The following LY6G6D variants were observed in gnomAD, a reference collection of about 807,000 sequenced individuals.
LY6G6D encodes lymphocyte antigen 6 complex locus protein G6d.
A neutral mutation model predicts 8.5 loss-of-function variants in LY6G6D; 5 were observed. That is an observed-to-expected ratio of 0.59 (90% CI 0.31 to 1.24). The LOEUF is 1.24. Ranked by LOEUF, LY6G6D falls within the 50% of genes most tolerant of loss-of-function variation. The pLI is 0.07. For missense variants in LY6G6D, 154 were observed against 170.4 expected (o/e 0.90, Z 0.53); for synonymous variants, 65 against 69.6 (o/e 0.93, Z 0.33).
In LY6G6D at chr6:31,716,412, G is replaced by A. The variant is rs541931090; in HGVS notation, c.178+788G>A. 6.6e-6 allele frequency among the ~76,000 whole-genome samples: 1 copy of A among 151,978 alleles called. No individual in the cohort carries two copies. Among genetic ancestry groups the A allele is most frequent in the Non-Finnish European group, 1.5e-5 (1 of 67,968 alleles). ...GAGACCAGCCTGGGCAACATAGGGA[G>A]ACCCTGTCTCTACAAAAAACAAACA... On this transcript the variant is annotated intron_variant, in intron 2 of 2. Coordinates refer to ENST00000375825, the MANE Select transcript of LY6G6D (RefSeq NM_021246.4). The surrounding 1 kb of genome is among the most constrained non-coding windows in gnomAD (Gnocchi z 5.1).
Position 31,715,355 on chromosome 6 carries a change from G to A in LY6G6D, c.-1G>A, listed in dbSNP as rs370821773. ...GGCGGTCCTGACACGGGCAGACTGC[G>A]ATGAAACCCCAGTTTGTTGGGATCT... On this transcript the variant is annotated 5_prime_UTR_variant, in exon 1 of 3. Coordinates refer to ENST00000375825, the MANE Select transcript of LY6G6D (RefSeq NM_021246.4). 37 of 1,597,452 alleles carry A rather than the reference G, an allele frequency of 2.3e-5. No individual in the cohort carries two copies. Among genetic ancestry groups the A allele is most frequent in the South Asian group, 1.0e-4 (9 of 88,980 alleles).
chr6:31,717,296 T>A lies in LY6G6D; in HGVS notation c.179-285T>A, dbSNP rs1328315241. Among the ~76,000 whole-genome samples, 1 of 152,142 alleles carries A rather than the reference T, an allele frequency of 6.6e-6. No homozygotes were observed. Among genetic ancestry groups the A allele is most frequent in the Non-Finnish European group, 1.5e-5 (1 of 68,016 alleles). ...GATACTTGAAATACTAAAAATTATT[T>A]TATAGAATGTCCCTCGATATTTATT... On this transcript the variant is annotated intron_variant, in intron 2 of 2. Transcript: ENST00000375825. This position sits in a 1 kb window ranked among gnomAD's most constrained non-coding sequence, Gnocchi z 5.0.
rs1180029298 is a variant in LY6G6D at position 31,716,487 on chromosome 6, C to T, written c.178+863C>T. Among the ~76,000 whole-genome samples, 2 of 152,078 alleles carry T rather than the reference C, an allele frequency of 1.3e-5. No homozygotes were observed. The highest frequency in any genetic ancestry group is 2.9e-5 in the Non-Finnish European group (2 of 68,010). On this transcript the variant is annotated intron_variant, in intron 2 of 2. Transcript: ENST00000375825. This position sits in a 1 kb window ranked among gnomAD's most constrained non-coding sequence, Gnocchi z 5.1. ...AATTAGTTGGGTGTGGTGGCACATG[C>T]TTGTAGTCCTAGCTACTCAGGGGGC...
rs749456306 is a variant in LY6G6D at position 31,715,563 on chromosome 6, G to T, written c.117G>T (p.Val39=). The change falls in exon 2 of 3, where the codon GTG becomes GTT. Residue 39 remains valine, a synonymous_variant. Transcript: ENST00000375825. ...GSPSSSCKEA[V]TTCGEGRPQP... is the part of the protein sequence containing the mutation. ...CCAGCAGTTCTTGCAAAGAGGCCGT[G>T]ACCACCTGTGGCGAGGGCAGACCCC... The T allele has an allele frequency of 3.7e-6, 6 of 1,613,080 alleles. No individual in the cohort carries two copies. The highest frequency in any genetic ancestry group is 5.1e-6 in the Non-Finnish European group (6 of 1,180,022).
chr6:31,717,107 G>A lies in LY6G6D; in HGVS notation c.179-474G>A, dbSNP rs936830584. Among the ~76,000 whole-genome samples, 3 of 151,866 alleles carry A rather than the reference G, an allele frequency of 2.0e-5. No homozygotes were observed. Among genetic ancestry groups the A allele is most frequent in the Non-Finnish European group, 2.9e-5 (2 of 67,976 alleles). On this transcript the variant is annotated intron_variant, in intron 2 of 2. Coordinates refer to ENST00000375825, the MANE Select transcript of LY6G6D (RefSeq NM_021246.4). This position sits in a 1 kb window ranked among gnomAD's most constrained non-coding sequence, Gnocchi z 5.0. ...CTCTACTAAAAATACAAAATTAGCC[G>A]GGTGTAGTGGTGCCCGCCTGTAATA...
chr6:31,717,249 CA>C lies in LY6G6D; in HGVS notation c.179-316del, dbSNP rs58686476. ...GGGCAATAAGAGTGAAACTCCGTCT[CA>C]AAAAAAAAAAAAAAATTACAGATAC... On this transcript the variant is annotated intron_variant, in intron 2 of 2. Coordinates refer to ENST00000375825, the MANE Select transcript of LY6G6D (RefSeq NM_021246.4). This position sits in a 1 kb window ranked among gnomAD's most constrained non-coding sequence, Gnocchi z 5.0. Among the ~76,000 whole-genome samples the C allele has an allele frequency of 0.092, 8,469 of 92,176 alleles. 317 individuals are homozygous for C. The highest frequency in any genetic ancestry group is 0.24 in the Middle Eastern group (38 of 156). 60.5% of individuals were successfully genotyped at this position (92,176 alleles called of 152,430 possible). A position where few individuals can be genotyped will look rare whatever the true frequency, so the allele number is the denominator to read the frequency against.
chr6:31,715,452 C>T, intron 1 of LY6G6D, 42 bp downstream of exon 1: 1 of 1,605,906 alleles, frequency 6.2e-7, no homozygotes. Flanking sequence ...GGCCTTCTGC[C>T]AGCCGGCTCC....
Position 31,717,813 on chromosome 6 carries a change from G to C in LY6G6D, c.*9G>C, listed in dbSNP as rs750529522. 6.9e-6 allele frequency: 11 copies of C among 1,605,030 alleles called. No homozygotes were observed. Among genetic ancestry groups the C allele is most frequent in the African/African-American group, 5.3e-5 (4 of 74,818 alleles). On this transcript the variant is annotated 3_prime_UTR_variant, in exon 3 of 3. Transcript: ENST00000375825. The surrounding 1 kb of genome is among the most constrained non-coding windows in gnomAD (Gnocchi z 5.0). ...GACTGTGGAGCGGATAGGGGGAGTA[G>C]GAGTAGAGAAGGGAACAAGGGAGCA... is the stretch of plus-strand genomic sequence containing the variant.
Position 31,717,493 on chromosome 6 carries a change from T to C in LY6G6D, c.179-88T>C. The C allele has an allele frequency of 6.2e-7, 1 of 1,613,712 alleles. No homozygotes were observed. Among genetic ancestry groups the C allele is most frequent in the Non-Finnish European group, 8.5e-7 (1 of 1,179,820 alleles). On this transcript the variant is annotated intron_variant, in intron 2 of 2. Transcript: ENST00000375825. The surrounding 1 kb of genome is among the most constrained non-coding windows in gnomAD (Gnocchi z 5.0). Reference sequence around the variant, plus strand: ...TTTTTGAGGGGGCTGAAAATCCCTTTGGGCTCCTTGAAATCACATCTGCTC... The same window carrying C: ...TTTTTGAGGGGGCTGAAAATCCCTTCGGGCTCCTTGAAATCACATCTGCTC...
At chr6:31,715,692 G>A in intron 2 of LY6G6D, 68 bp downstream of exon 2, 2 of 1,584,498 alleles carry the variant, frequency 1.3e-6, no homozygotes, top group African/African-American at 1.3e-5. Flanking sequence ...AATCCTTCTG[G>A]CTTCCAGAAC....
At position 31,716,890 on chromosome 6, in the gene LY6G6D, A is replaced by G. The variant is rs978310281; in HGVS notation, c.179-691A>G. Among the ~76,000 whole-genome samples, 3 of 152,122 alleles carry G rather than the reference A, an allele frequency of 2.0e-5. No individual in the cohort carries two copies. Among genetic ancestry groups the G allele is most frequent in the African/African-American group, 7.2e-5 (3 of 41,410 alleles). On this transcript the variant is annotated intron_variant, in intron 2 of 2. Coordinates refer to ENST00000375825, the MANE Select transcript of LY6G6D (RefSeq NM_021246.4). The surrounding 1 kb of genome is among the most constrained non-coding windows in gnomAD (Gnocchi z 5.1). Reference sequence around the variant, plus strand: ...TATAGGGAGGTATGATTGCACCACCACACTCCAGCCTGAGTGAGAGAGCAA... The same window carrying G: ...TATAGGGAGGTATGATTGCACCACCGCACTCCAGCCTGAGTGAGAGAGCAA...
Position 31,715,396 on chromosome 6 carries a change from T to G in LY6G6D, c.41T>G (p.Leu14Arg). The part of the protein sequence containing the change: ...QFVGILLSSL[L>R]GAALGNRMRC... The stretch of plus-strand genomic sequence containing the variant: ...GTTGGGATCTTGCTCAGCTCCCTGC[T>G]AGGGGCTGCCTTGGGTAAGGAGGCG... Residue 14 changes from leucine (L) to arginine (R), a missense_variant, in exon 1 of 3, where the codon CTA becomes CGA. Transcript: ENST00000375825. 1 of 1,606,002 alleles carries G rather than the reference T, an allele frequency of 6.2e-7. No individual in the cohort carries two copies. Among genetic ancestry groups the G allele is most frequent in the Non-Finnish European group, 8.5e-7 (1 of 1,175,266 alleles).
chr6:31,715,748 G>A (rs1806384157), intron 2 of LY6G6D, 124 bp downstream of exon 2: 1 of 1,433,142 alleles, frequency 7.0e-7, no homozygotes, highest in Middle Eastern at 2.0e-4. Flanking sequence ...AGCTGTTAGA[G>A]GAGAGCAGTC....
At position 31,715,852 on chromosome 6, in the gene LY6G6D, C is replaced by CAT. The variant is rs546563562; in HGVS notation, c.178+230_178+231dup. ...CCTCCTTATTCTCCTAAAAGAATCT[C>CAT]ATAGGCCCATTAGCTCACAAATGAA... On this transcript the variant is annotated intron_variant, in intron 2 of 2. Coordinates refer to ENST00000375825, the MANE Select transcript of LY6G6D (RefSeq NM_021246.4). 1.2e-4 allele frequency among the ~76,000 whole-genome samples: 19 copies of CAT among 152,250 alleles called. No individual in the cohort carries two copies. In the East Asian group the frequency reaches 1.9e-3, roughly 15 times the overall value.
chr6:31,716,736 CA>C lies in LY6G6D; in HGVS notation c.179-842del, dbSNP rs1806459868. On this transcript the variant is annotated intron_variant, in intron 2 of 2. Transcript: ENST00000375825. The surrounding 1 kb of genome is among the most constrained non-coding windows in gnomAD (Gnocchi z 5.1). ...AGGAGTTTGACACCAGCCTGGGCAG[CA>C]AAGTGAGACCCCCATCTCTACAAAA... is the stretch of plus-strand genomic sequence containing the variant. Among the ~76,000 whole-genome samples, 1 of 151,112 alleles carries C rather than the reference CA, an allele frequency of 6.6e-6. No individual in the cohort carries two copies. The highest frequency in any genetic ancestry group is 2.4e-5 in the African/African-American group (1 of 41,014).
chr6:31,717,684 G>A lies in LY6G6D; in HGVS notation c.282G>A (p.Arg94=). The A allele has an allele frequency of 6.2e-7, 1 of 1,614,138 alleles. No homozygotes were observed. The highest frequency in any genetic ancestry group is 8.5e-7 in the Non-Finnish European group (1 of 1,180,034). ...SVGDVTYPAH[R]DCYLGDLCNS... ...GAGACGTGACTTATCCAGCCCACAG[G>A]GACTGCTACCTGGGAGACCTGTGCA... is the stretch of plus-strand genomic sequence containing the variant. The change falls in exon 3 of 3, where the codon AGG becomes AGA. Residue 94 remains arginine, a synonymous_variant. Transcript: ENST00000375825. This position sits in a 1 kb window ranked among gnomAD's most constrained non-coding sequence, Gnocchi z 5.0.
chr6:31,715,381 T>G lies in LY6G6D; in HGVS notation c.26T>G (p.Leu9Trp). 2 of 1,604,300 alleles carry G rather than the reference T, an allele frequency of 1.2e-6. No individual in the cohort carries two copies. Among genetic ancestry groups the G allele is most frequent in the Middle Eastern group, 1.7e-4 (1 of 6,022 alleles). The change falls in exon 1 of 3, where the codon TTG becomes TGG. Residue 9 changes from leucine (L) to tryptophan (W), a missense_variant. By Grantham distance (61) the Leu-to-Trp change is moderately conservative (BLOSUM62 -2). Coordinates refer to ENST00000375825, the MANE Select transcript of LY6G6D (RefSeq NM_021246.4). ...ATGAAACCCCAGTTTGTTGGGATCT[T>G]GCTCAGCTCCCTGCTAGGGGCTGCC... The part of the protein sequence containing the change: MKPQFVGI[L>W]LSSLLGAALG...
chr6:31,716,004 A>G lies in LY6G6D; in HGVS notation c.178+380A>G, dbSNP rs1806412593. ...GTGTGTGTGTGTACATGTTTTTAAT[A>G]TTTTATTTTAACATAATTTTGGATT... On this transcript the variant is annotated intron_variant, in intron 2 of 2. Coordinates refer to ENST00000375825, the MANE Select transcript of LY6G6D (RefSeq NM_021246.4). The surrounding 1 kb of genome is among the most constrained non-coding windows in gnomAD (Gnocchi z 5.1). Among the ~76,000 whole-genome samples the G allele has an allele frequency of 6.6e-6, 1 of 150,630 alleles. No individual in the cohort carries two copies. The highest frequency in any genetic ancestry group is 2.4e-5 in the African/African-American group (1 of 40,870).
chr6:31,717,783 G>T lies in LY6G6D; in HGVS notation c.381G>T (p.Leu127Phe). ...AAAATALTCL[L>F]PGLWSG ...CAGCTACCGCCCTGACCTGTCTCTTGCCAGGACTGTGGAGCGGATAGGGGG... is the reference window on the plus strand; with the variant it reads ...CAGCTACCGCCCTGACCTGTCTCTTTCCAGGACTGTGGAGCGGATAGGGGG... The change falls in exon 3 of 3, where the codon TTG (leucine) becomes TTT (phenylalanine). Residue 127 changes from leucine to phenylalanine, a missense_variant. Transcript: ENST00000375825. The surrounding 1 kb of genome is among the most constrained non-coding windows in gnomAD (Gnocchi z 5.0). The T allele has an allele frequency of 6.2e-7, 1 of 1,613,090 alleles. No individual in the cohort carries two copies. Among genetic ancestry groups the T allele is most frequent in the Non-Finnish European group, 8.5e-7 (1 of 1,179,868 alleles).
Sources: gnomAD v4.1 joint callset for allele counts (sites outside exome capture counted in the v4.1 genomes callset) on GRCh38, gnomAD v4.1.1 for gene constraint, Gnocchi (gnomAD v3.1) non-coding constraint, MANE v1.5 for transcripts, NCBI Gene and HGNC (gene_info 2026-07-23, HGNC 2026-07-21) for gene names.